The following BACE2 variants were observed in gnomAD, a reference collection of about 807,000 sequenced individuals.
BACE2 encodes beta-secretase 2, also known as 56 kDa aspartic-like protease.
Under a neutral mutation model 46.2 loss-of-function variants are expected in BACE2, and 17 were observed. The observed-to-expected ratio is 0.37, with a 90% confidence interval of 0.25 to 0.55. The LOEUF (loss-of-function observed/expected upper bound fraction) is 0.55, where lower values mean the gene tolerates loss of function less well. BACE2 is among the 20% of genes least tolerant of loss of function. The probability of loss-of-function intolerance (pLI) is 0.82; values close to 1 mark genes in which losing one functional copy is unlikely to be tolerated. For missense variants in BACE2, 595 were observed against 698.1 expected, an observed-to-expected ratio of 0.85 and a Z score of 1.66; for synonymous variants, 277 against 295.9, an observed-to-expected ratio of 0.94 and a Z score of 0.66.
intron 1 of BACE2, among the ~76,000 whole-genome samples, chr21:41,209,916 G>T (rs749805292): frequency 8.5e-5 from 13 of 152,140 alleles, no homozygotes; most frequent in Admixed American, 6.5e-4. Context: ...ACCTCTCCCC[G>T]TTGTAGAAAT....
At chr21:41,175,006 G>A (rs972174252) in intron 1 of BACE2, among the ~76,000 whole-genome samples, 2 of 152,082 alleles carry the variant, frequency 1.3e-5, no homozygotes, top group African/African-American at 4.8e-5. Flanking sequence ...CCTCTTCTGG[G>A]TGACTTTCCT....
chr21:41,272,004 C>A (rs996166696), intron 8 of BACE2, among the ~76,000 whole-genome samples: 27 of 151,932 alleles, frequency 1.8e-4, no homozygotes, highest in Admixed American at 1.6e-3. Context: ...TAGTGAAAAT[C>A]TGTGATGTGT....
intron 1 of BACE2, chr21:41,181,698 G>A (rs1445425506): frequency 1.2e-5 from 2 of 167,086 alleles, no homozygotes; most frequent in Non-Finnish European, 2.9e-5. Context: ...CAGGGTCCAG[G>A]GGGGATCCAC....
At chr21:41,201,955 C>T (rs553938343) in intron 1 of BACE2, among the ~76,000 whole-genome samples, 1 of 152,224 alleles carries the variant, frequency 6.6e-6, no homozygotes, top group Admixed American at 6.5e-5. Flanking sequence ...GAATGCTAAC[C>T]ACTGGAGGCC....
rs182294096 is a variant in BACE2 at position 41,255,090 on chromosome 21, T to C, written c.1135-2068T>C. ...AGAGAGAAAAGGACTGGCCCAGCAC[T>C]ATAGGGCCTGAGTAACTGGGTGAAT... On this transcript the variant is annotated intron_variant, in intron 7 of 8. Transcript: ENST00000330333. Among the ~76,000 whole-genome samples, 894 of 152,332 alleles carry C rather than the reference T, an allele frequency of 5.9e-3. 2 individuals carry two copies. Among genetic ancestry groups the C allele is most frequent in the Non-Finnish European group, 0.01 (686 of 68,032 alleles).
intron 1 of BACE2, among the ~76,000 whole-genome samples, chr21:41,222,869 A>AAG (rs1568874369): frequency 6.6e-6 from 1 of 152,164 alleles, no homozygotes; most frequent in Non-Finnish European, 1.5e-5. Flanking sequence ...AGGAAGCCCT[A>AAG]GGGATCACCT....
At chr21:41,218,804 A>G (rs910719423) in intron 1 of BACE2, among the ~76,000 whole-genome samples, 1 of 152,124 alleles carries the variant, frequency 6.6e-6, no homozygotes, top group African/African-American at 2.4e-5. Context: ...ATAATGTTAT[A>G]ATCCAGCACT....
intron 8 of BACE2, among the ~76,000 whole-genome samples, chr21:41,271,859 C>A (rs868604154): frequency 6.6e-6 from 1 of 152,100 alleles, no homozygotes; most frequent in Admixed American, 6.5e-5. Flanking sequence ...AATTGATTAT[C>A]TTTGTAAATA....
chr21:41,239,145 G>T (rs949703174), intron 3 of BACE2, among the ~76,000 whole-genome samples: 3 of 150,880 alleles, frequency 2.0e-5, no homozygotes, highest in Non-Finnish European at 4.4e-5. Context: ...TCTTCCCATC[G>T]TGGAAGAACA....
rs146387433 is a variant in BACE2, at chr21:41,173,512, C to T, written c.312+4937C>T. ...ATCCCAGCACTTTGGGAGGCTGAGGCGGGCGGGTCACCTGAGGTCAGGAGT... is the reference window on the plus strand; with the variant it reads ...ATCCCAGCACTTTGGGAGGCTGAGGTGGGCGGGTCACCTGAGGTCAGGAGT... On this transcript the variant is annotated intron_variant, in intron 1 of 8. Coordinates refer to ENST00000330333, the MANE Select transcript of BACE2 (RefSeq NM_012105.5). Among the ~76,000 whole-genome samples the T allele has an allele frequency of 2.5e-3, 375 of 152,222 alleles. 4 individuals are homozygous for T. The highest frequency in any genetic ancestry group is 8.2e-3 in the African/African-American group (342 of 41,552).
chr21:41,276,150 A>C lies in BACE2; in HGVS notation c.*526A>C, dbSNP rs2088486974. ...GGGCCTGGGGATGTAACCAAGCTGT[A>C]CCCTTGAGACCTGGAACCAGAGCCA... On this transcript the variant is annotated 3_prime_UTR_variant, in exon 9 of 9. Transcript: ENST00000330333. 6.4e-6 allele frequency: 1 copy of C among 155,180 alleles called. No homozygotes were observed. Among genetic ancestry groups the C allele is most frequent in the Non-Finnish European group, 1.4e-5 (1 of 69,884 alleles). The allele number at this position is 155,180 out of a possible 1,614,324, so 9.6% of individuals were successfully genotyped here.
At chr21:41,206,538 C>T (rs1370288859) in intron 1 of BACE2, among the ~76,000 whole-genome samples, 1 of 152,206 alleles carries the variant, frequency 6.6e-6, no homozygotes, top group Non-Finnish European at 1.5e-5. Context: ...AAGACTGTTA[C>T]AAAAGGACAA....
At chr21:41,168,769 C>T (rs997568696) in intron 1 of BACE2, among the ~76,000 whole-genome samples, 194 bp downstream of exon 1, 2 of 152,046 alleles carry the variant, frequency 1.3e-5, no homozygotes, top group Non-Finnish European at 2.9e-5. Flanking sequence ...AGGACGGCAG[C>T]CCCCGCCCGG....
At chr21:41,268,483 G>A (rs75306103) in intron 8 of BACE2, among the ~76,000 whole-genome samples, 8,975 of 152,256 alleles carry the variant, frequency 0.059, 404 homozygotes, top group African/African-American at 0.12. Context: ...ATCAGCTTTC[G>A]TCTAATCTTG....
At chr21:41,268,682 A>G (rs933226282) in intron 8 of BACE2, among the ~76,000 whole-genome samples, 2 of 152,198 alleles carry the variant, frequency 1.3e-5, no homozygotes, top group Non-Finnish European at 2.9e-5. Flanking sequence ...AGGCTGCAGT[A>G]TGCTACTATC....
intron 7 of BACE2, among the ~76,000 whole-genome samples, 173 bp from the exon 8 acceptor site, chr21:41,256,985 A>G (rs1368776851): frequency 6.6e-6 from 1 of 152,148 alleles, no homozygotes; most frequent in Non-Finnish European, 1.5e-5. Flanking sequence ...ATTGATCACC[A>G]TGCTTTTGAT....
intron 7 of BACE2, among the ~76,000 whole-genome samples, chr21:41,254,181 C>T (rs770778720): frequency 1.3e-5 from 2 of 152,212 alleles, no homozygotes; most frequent in African/African-American, 2.4e-5. Context: ...TTTGTCTATA[C>T]CCAACACTAT....
rs557095026 is a variant in BACE2 at position 41,248,758 on chromosome 21, G to A, written c.985-1994G>A. ...AGGTGTCTGCAGTGCGCGTGGTTAC[G>A]TGGCACGTACCACCCCTGATATTCA... On this transcript the variant is annotated intron_variant, in intron 6 of 8. Coordinates refer to ENST00000330333, the MANE Select transcript of BACE2 (RefSeq NM_012105.5). Among the ~76,000 whole-genome samples the A allele has an allele frequency of 1.4e-4, 22 of 152,328 alleles. 2 individuals carry two copies. The highest frequency in any genetic ancestry group is 1.1e-3 in the Admixed American group (17 of 15,304).
At chr21:41,208,276 G>A (rs1046623386) in intron 1 of BACE2, among the ~76,000 whole-genome samples, 4 of 152,226 alleles carry the variant, frequency 2.6e-5, no homozygotes, top group African/African-American at 9.6e-5. Context: ...TCCACCAGAG[G>A]GGAATGTGGG....
Sources: allele counts gnomAD v4.1 joint callset (sites outside exome capture counted in the v4.1 genomes callset), GRCh38; gene constraint gnomAD v4.1.1; transcripts MANE v1.5; gene names NCBI Gene and HGNC (gene_info 2026-07-23, HGNC 2026-07-21).